The following CC2D1B variants were observed in gnomAD, a reference collection of about 807,000 sequenced individuals.
The protein encoded by CC2D1B is coiled-coil and C2 domain containing 1B.
CC2D1B carries 92 observed loss-of-function variants against 110.8 expected under a neutral mutation model. That is an observed-to-expected ratio of 0.83 (90% CI 0.70 to 0.99). CC2D1B has a LOEUF of 0.99. CC2D1B is among the 50% of genes least tolerant of loss of function. The probability of loss-of-function intolerance (pLI) is 0.00; values close to 1 mark genes in which losing one functional copy is unlikely to be tolerated. For missense variants in CC2D1B, 1,136 were observed against 1,089.0 expected (o/e 1.04, Z -0.61); for synonymous variants, 406 against 429.2 (o/e 0.95, Z 0.67).
chr1:52,365,689 A>C (rs943587390), intron 1 of CC2D1B, among the ~76,000 whole-genome samples: 1 of 152,208 alleles, frequency 6.6e-6, no homozygotes, highest in African/African-American at 2.4e-5. Context: ...CTGGCACCAA[A>C]GGGGAGGTGC....
intron 13 of CC2D1B, chr1:52,358,113 A>T: frequency 1.1e-6 from 1 of 874,228 alleles, no homozygotes; most frequent in South Asian, 1.9e-5. Flanking sequence ...ACTGCAGGGT[A>T]ATGGGGATGG....
At position 52,354,902 on chromosome 1, in the gene CC2D1B, G is replaced by A. The variant is rs1300218181; in HGVS notation, c.2277C>T (p.Asn759=). 9.9e-6 allele frequency: 16 copies of A among 1,614,068 alleles called. No individual in the cohort carries two copies. Among genetic ancestry groups the A allele is most frequent in the Non-Finnish European group, 1.0e-5 (12 of 1,180,026 alleles). Residue 759 remains asparagine (N), a synonymous_variant, in exon 22 of 25, where the codon AAC becomes AAT. Coordinates refer to ENST00000284376, the MANE Select transcript of CC2D1B (RefSeq NM_001330585.2). ...GGATCACCCTCTTGAAGCCCCGGTG[G>A]TTTCGGTTGATGTTTAGTTTGAAGA... ...DQLFKLNINR[N]HRGFKRVIQS...
At position 52,357,843 on chromosome 1, in the gene CC2D1B, G is replaced by C. The variant is rs78522146; in HGVS notation, c.1517C>G (p.Pro506Arg). Reference sequence around the variant, plus strand: ...GGGCTCAGGCAGGCGCTGGGATGAAGGGACTGTGGGCCGTGCAGGTTTCTT... The same window carrying C: ...GGGCTCAGGCAGGCGCTGGGATGAACGGACTGTGGGCCGTGCAGGTTTCTT... ...VAKKPARPTVPSSQRLPEPRA... is the reference protein window; with the variant it reads ...VAKKPARPTVRSSQRLPEPRA... Residue 506 changes from proline (P) to arginine (R), a missense_variant, in exon 14 of 25, where the codon CCT becomes CGT. Physicochemically the swap from Pro to Arg is moderately radical, Grantham distance 103. Coordinates refer to ENST00000284376, the MANE Select transcript of CC2D1B (RefSeq NM_001330585.2). 917 of 1,592,578 alleles carry C rather than the reference G, an allele frequency of 5.8e-4. 7 individuals are homozygous for C. In the African/African-American group the frequency reaches 0.011, roughly 19 times the overall value.
chr1:52,363,533 A>C (rs1055434638), intron 2 of CC2D1B, among the ~76,000 whole-genome samples: 1 of 152,156 alleles, frequency 6.6e-6, no homozygotes, highest in African/African-American at 2.4e-5. Flanking sequence ...TACCATCGCC[A>C]TCATCCATCC....
chr1:52,352,019 C>CAA lies in CC2D1B; in HGVS notation c.*1204_*1205dup, dbSNP rs1353781558. Reference sequence around the variant, plus strand: ...AGCATGGTCCAGCCCTGTTATCCCCCAAAAGGACACATACAAAGCTCAGTT... The same window carrying CAA: ...AGCATGGTCCAGCCCTGTTATCCCCCAAAAAAGGACACATACAAAGCTCAGTT... On this transcript the variant is annotated 3_prime_UTR_variant, in exon 25 of 25. Coordinates refer to ENST00000284376, the MANE Select transcript of CC2D1B (RefSeq NM_001330585.2). 2.6e-5 allele frequency: 4 copies of CAA among 152,250 alleles called. No individual in the cohort carries two copies. The highest frequency in any genetic ancestry group is 9.6e-5 in the African/African-American group (4 of 41,534). The allele number at this position is 152,250 out of a possible 1,614,324, so 9.4% of individuals were successfully genotyped here.
intron 3 of CC2D1B, among the ~76,000 whole-genome samples, chr1:52,362,226 GTC>G: frequency 6.6e-6 from 1 of 152,332 alleles, no homozygotes; most frequent in Admixed American, 6.5e-5. Context: ...CAGGCCTGAA[GTC>G]TCTGTTCTCA....
At position 52,354,866 on chromosome 1, in the gene CC2D1B, G is replaced by C. The variant is rs770828479; in HGVS notation, c.2313C>G (p.Gly771=). ...RGFKRVIQSK[G]IKFEIFHKGS... is the part of the protein sequence containing the mutation. ...CTTTGTGGAAGATCTCAAACTTGAT[G>C]CCTTTGCTCTGGATCACCCTCTTGA... is the stretch of plus-strand genomic sequence containing the variant. Residue 771 remains glycine, a synonymous_variant, in exon 22 of 25, where the codon GGC becomes GGG. Coordinates refer to ENST00000284376, the MANE Select transcript of CC2D1B (RefSeq NM_001330585.2). 1.9e-6 allele frequency: 3 copies of C among 1,614,052 alleles called. No homozygotes were observed. In the African/African-American group the frequency reaches 4.0e-5, roughly 22 times the overall value.
chr1:52,355,300 T>C, intron 21 of CC2D1B, 98 bp downstream of exon 21: 1 of 1,236,072 alleles, frequency 8.1e-7, no homozygotes, highest in Non-Finnish European at 1.2e-6. Context: ...CCAAGTGGGG[T>C]GGATCAAGTA....
In CC2D1B at chr1:52,353,054, C is replaced by CCAA; in HGVS notation, c.*168_*170dup. 1 of 595,348 alleles carries CCAA rather than the reference C, an allele frequency of 1.7e-6. No individual in the cohort carries two copies. The allele number at this position is 595,348 out of a possible 1,614,324, so 36.9% of individuals were successfully genotyped here. A position where few individuals can be genotyped will look rare whatever the true frequency, so the allele number is the denominator to read the frequency against. On this transcript the variant is annotated 3_prime_UTR_variant, in exon 25 of 25. Transcript: ENST00000284376. ...CTGTTTCTGTAGAGCCCCAGAGGGG[C>CCAA]CAACAACAGGAAAGACCAGAGTCGT... is the stretch of plus-strand genomic sequence containing the variant.
rs1646529325 is a variant in CC2D1B at position 52,351,454 on chromosome 1, CCTTT to C, written c.*1767_*1770del. The C allele has an allele frequency of 6.6e-6, 1 of 152,114 alleles. No homozygotes were observed. Among genetic ancestry groups the C allele is most frequent in the African/African-American group, 2.4e-5 (1 of 41,414 alleles). 9.4% of individuals were successfully genotyped at this position (152,114 alleles called of 1,614,324 possible). On this transcript the variant is annotated 3_prime_UTR_variant, in exon 25 of 25. Coordinates refer to ENST00000284376, the MANE Select transcript of CC2D1B (RefSeq NM_001330585.2). ...GTTGGGTTAGGAACCCTTCCAGTCA[CCTTT>C]CTTTGCTCTATAGGTCATCTTATGA... is the stretch of plus-strand genomic sequence containing the variant.
chr1:52,350,844 C>T lies in CC2D1B; in HGVS notation c.*2381G>A, dbSNP rs1356997885. 6.6e-6 allele frequency: 1 copy of T among 152,202 alleles called. No homozygotes were observed. The highest frequency in any genetic ancestry group is 1.5e-5 in the Non-Finnish European group (1 of 68,090). 9.4% of individuals were successfully genotyped at this position (152,202 alleles called of 1,614,324 possible). A position where few individuals can be genotyped will look rare whatever the true frequency, so the allele number is the denominator to read the frequency against. On this transcript the variant is annotated 3_prime_UTR_variant, in exon 25 of 25. Coordinates refer to ENST00000284376, the MANE Select transcript of CC2D1B (RefSeq NM_001330585.2). ...CACTGCAACCTCTGCTTCCTGGGCT[C>T]AAGGGATTCGTGTGTCTCAGCCTCC...
In CC2D1B at chr1:52,357,672, C is replaced by T. The variant is rs779481288; in HGVS notation, c.1606G>A (p.Ala536Thr). The T allele has an allele frequency of 1.2e-6, 2 of 1,603,822 alleles. No homozygotes were observed. Among genetic ancestry groups the T allele is most frequent in the Admixed American group, 3.4e-5 (2 of 58,348 alleles). Residue 536 changes from alanine to threonine, a missense_variant, in exon 15 of 25, where the codon GCA becomes ACA. By Grantham distance (58) the Ala-to-Thr change is moderately conservative (BLOSUM62 0). Transcript: ENST00000284376. ...GCCCGCTGATACTGCAGTTTCCGTG[C>T]CTCCAGCAGTGCCAGCTGCTCCCGC... ...SVREQLALLEARKLQYQRAAL... is the reference protein window; with the variant it reads ...SVREQLALLETRKLQYQRAAL...
intron 1 of CC2D1B, 120 bp from the exon 2 acceptor site, chr1:52,364,754 T>G: frequency 1.8e-6 from 1 of 541,924 alleles, no homozygotes; most frequent in East Asian, 2.9e-5. Context: ...AACACCAAAG[T>G]ATGGGTTACC....
chr1:52,361,584 C>G lies in CC2D1B; in HGVS notation c.247G>C (p.Ala83Pro). 6.2e-7 allele frequency: 1 copy of G among 1,613,892 alleles called. No individual in the cohort carries two copies. The highest frequency in any genetic ancestry group is 2.2e-5 in the East Asian group (1 of 44,878). ...PLPMAHIEKL[A>P]ADCMRDVEEE... ...TCCACATCCCGCATACAGTCTGCCGCCAACTTCTCGATGTGGGCCATGGGC... is the reference window on the plus strand; with the variant it reads ...TCCACATCCCGCATACAGTCTGCCGGCAACTTCTCGATGTGGGCCATGGGC... The change falls in exon 4 of 25, where the codon GCG becomes CCG. Residue 83 changes from alanine to proline, a missense_variant. Physicochemically the swap from Ala to Pro is conservative, Grantham distance 27. Transcript: ENST00000284376.
chr1:52,364,796 T>C (rs1054879045), intron 1 of CC2D1B, among the ~76,000 whole-genome samples, 162 bp from the exon 2 acceptor site: 4 of 152,140 alleles, frequency 2.6e-5, no homozygotes. Flanking sequence ...GCACAGGCCA[T>C]GGGAGGGATG....
At chr1:52,359,969 G>A in intron 7 of CC2D1B, 86 bp from the exon 8 acceptor site, 1 of 1,550,668 alleles carries the variant, frequency 6.4e-7, no homozygotes, top group Non-Finnish European at 8.7e-7. Context: ...AGGATGTCCT[G>A]GGGAGGATGT....
At chr1:52,360,703 G>T in intron 5 of CC2D1B, 154 bp from the exon 6 acceptor site, 1 of 1,162,536 alleles carries the variant, frequency 8.6e-7, no homozygotes, top group Non-Finnish European at 1.2e-6. Flanking sequence ...GCTCACTGGA[G>T]AGGCCAGAGG....
intron 5 of CC2D1B, 85 bp downstream of exon 5, chr1:52,360,889 C>G (rs1295433213): frequency 8.5e-6 from 13 of 1,522,408 alleles, no homozygotes; most frequent in Non-Finnish European, 9.9e-6. Context: ...TGACTGCAGC[C>G]TTGCTGTGCA....
rs773805092 is a variant in CC2D1B at position 52,359,808 on chromosome 1, C to T, written c.839G>A (p.Arg280Gln). 4.3e-6 allele frequency: 7 copies of T among 1,611,484 alleles called. No individual in the cohort carries two copies. The highest frequency in any genetic ancestry group is 1.7e-4 in the Middle Eastern group (1 of 6,060). The change falls in exon 8 of 25, where the codon CGG becomes CAG. Residue 280 changes from arginine (R) to glutamine (Q), a missense_variant. By Grantham distance (43) the Arg-to-Gln change is conservative. Transcript: ENST00000284376. ...QPVSDLDPDP[R>Q]ALLSSRQREY... is the part of the protein sequence containing the mutation. ...TCTCTGTCGGGATGACAGCAGGGCC[C>T]GCGGGTCTGGGTCTAAGTCTGAAAC...
Sources: allele counts gnomAD v4.1 joint callset (sites outside exome capture counted in the v4.1 genomes callset), GRCh38; gene constraint gnomAD v4.1.1; transcripts MANE v1.5; gene names NCBI Gene and HGNC (gene_info 2026-07-23, HGNC 2026-07-21).